CENPP: variants seen among roughly 807,000 people sequenced by gnomAD.
CENPP encodes the protein centromere protein P.
Under a neutral mutation model 35.6 loss-of-function variants are expected in CENPP, and 24 were observed. The observed-to-expected ratio is 0.67, with a 90% confidence interval of 0.49 to 0.95. The LOEUF (loss-of-function observed/expected upper bound fraction) is 0.95, where lower values mean the gene tolerates loss of function less well. Ranked by LOEUF, CENPP falls within the 40% of genes least tolerant of loss-of-function variation. The pLI, the probability that CENPP is intolerant of heterozygous loss-of-function variation, is 0.00. For missense variants in CENPP, 332 were observed against 345.3 expected (o/e 0.96, Z 0.31); for synonymous variants, 120 against 125.5 (o/e 0.96, Z 0.29).
rs879288312 is a variant in CENPP at position 92,444,441 on chromosome 9, C to CT, written c.564+64594dup. On this transcript the variant is annotated intron_variant, in intron 5 of 7. Transcript: ENST00000375587. ...TTGCAAAATTCTTCCATTCTATGAG[C>CT]TTTTTTTTTTTTACTTTCTTGATGA... 4.2e-4 allele frequency among the ~76,000 whole-genome samples: 61 copies of CT among 143,588 alleles called. 1 individual carries two copies. The highest frequency in any genetic ancestry group is 1.0e-3 in the East Asian group (5 of 4,972). 94.2% of individuals were successfully genotyped at this position (143,588 alleles called of 152,430 possible).
intron 5 of CENPP, among the ~76,000 whole-genome samples, chr9:92,390,454 CTGAGTA>C (rs1400216836): frequency 2.0e-5 from 3 of 151,984 alleles, no homozygotes; most frequent in Admixed American, 2.0e-4. Flanking sequence ...CGTTGTGATT[CTGAGTA>C]TGTTATCTTA....
At chr9:92,457,143 G>C (rs1311132133) in intron 5 of CENPP, 2 of 1,405,722 alleles carry the variant, frequency 1.4e-6, no homozygotes, top group African/African-American at 1.5e-5. Context: ...GAAATTTCTT[G>C]TCATAAAATA....
In CENPP at chr9:92,545,655, C is replaced by G. The variant is rs372950942; in HGVS notation, c.565-65659C>G. Among the ~76,000 whole-genome samples, 46 of 152,338 alleles carry G rather than the reference C, an allele frequency of 3.0e-4. No homozygotes were observed. In the East Asian group the frequency reaches 8.9e-3, roughly 29 times the overall value. ...GGGCACAGGGCGCGGGACTGGCAGCCAGCTCCACCTGCAGCCTGGTGCGGG... is the reference window on the plus strand; with the variant it reads ...GGGCACAGGGCGCGGGACTGGCAGCGAGCTCCACCTGCAGCCTGGTGCGGG... On this transcript the variant is annotated intron_variant, in intron 5 of 7. Coordinates refer to ENST00000375587, the MANE Select transcript of CENPP (RefSeq NM_001012267.3).
chr9:92,419,275 C>T (rs72752468), intron 5 of CENPP, among the ~76,000 whole-genome samples: 5,498 of 148,040 alleles, frequency 0.037, 137 homozygotes, highest in Middle Eastern at 0.06. Context: ...ACCTTGGCTG[C>T]TTATCTTGTA....
At chr9:92,529,871 C>T (rs997791509) in intron 5 of CENPP, among the ~76,000 whole-genome samples, 1 of 152,122 alleles carries the variant, frequency 6.6e-6, no homozygotes, top group Admixed American at 6.5e-5. Flanking sequence ...ATAGTCAGCC[C>T]TTTATATCAC....
At chr9:92,462,893 G>C (rs562481872) in intron 5 of CENPP, among the ~76,000 whole-genome samples, 1 of 152,160 alleles carries the variant, frequency 6.6e-6, no homozygotes, top group Non-Finnish European at 1.5e-5. Context: ...CTGGTGCAAC[G>C]TGCCAGCGAA....
At chr9:92,449,218 G>A (rs925173423) in intron 5 of CENPP, among the ~76,000 whole-genome samples, 1 of 151,844 alleles carries the variant, frequency 6.6e-6, no homozygotes, top group Non-Finnish European at 1.5e-5. Flanking sequence ...CAAGGCGGGC[G>A]GACACGAGGT....
intron 5 of CENPP, among the ~76,000 whole-genome samples, chr9:92,447,952 T>C (rs1168152039): frequency 6.6e-6 from 1 of 152,186 alleles, no homozygotes; most frequent in African/African-American, 2.4e-5. Flanking sequence ...TACTTTTGAA[T>C]GAGGTAAGTG....
At chr9:92,485,443 A>C (rs919759508) in intron 5 of CENPP, among the ~76,000 whole-genome samples, 2 of 152,378 alleles carry the variant, frequency 1.3e-5, no homozygotes, top group Non-Finnish European at 2.9e-5. Flanking sequence ...CTCAGTACTG[A>C]CAGTTTATGA....
chr9:92,445,064 C>A (rs190066139), intron 5 of CENPP, among the ~76,000 whole-genome samples: 2 of 152,260 alleles, frequency 1.3e-5, no homozygotes, highest in East Asian at 3.9e-4. Context: ...TGTTCATGCT[C>A]CACTGCAGAT....
intron 5 of CENPP, among the ~76,000 whole-genome samples, chr9:92,567,449 CA>C (rs1376339650): frequency 6.9e-6 from 1 of 145,196 alleles, no homozygotes; most frequent in Non-Finnish European, 1.5e-5. Flanking sequence ...TCCATCATCT[CA>C]AACATTTATC....
chr9:92,515,080 A>C (rs200225062), intron 5 of CENPP: 315 of 1,613,992 alleles, frequency 2.0e-4, no homozygotes, highest in Non-Finnish European at 1.7e-5. Flanking sequence ...TATTCGGTCC[A>C]TTCCCACCTG....
chr9:92,601,969 A>G (rs1243565281), intron 5 of CENPP, among the ~76,000 whole-genome samples: 1 of 152,244 alleles, frequency 6.6e-6, no homozygotes, highest in Non-Finnish European at 1.5e-5. Context: ...ATGAAGCTCC[A>G]GGAGCAACGA....
At chr9:92,574,835 A>G (rs1850239679) in intron 5 of CENPP, among the ~76,000 whole-genome samples, 1 of 152,232 alleles carries the variant, frequency 6.6e-6, no homozygotes, top group African/African-American at 2.4e-5. Flanking sequence ...AGCTACAATA[A>G]TCAAAACAAT....
chr9:92,442,893 T>A (rs547684079), intron 5 of CENPP, among the ~76,000 whole-genome samples: 1 of 151,546 alleles, frequency 6.6e-6, no homozygotes, highest in Non-Finnish European at 1.5e-5. Flanking sequence ...ACCATTATGA[T>A]GAAAATTTTT....
intron 5 of CENPP, among the ~76,000 whole-genome samples, chr9:92,475,381 C>T (rs1418049793): frequency 2.0e-5 from 3 of 152,076 alleles, no homozygotes; most frequent in Admixed American, 2.0e-4. Flanking sequence ...TGTATACTTA[C>T]AAACACTCAT....
intron 3 of CENPP, among the ~76,000 whole-genome samples, chr9:92,343,535 T>C (rs979760961): frequency 6.6e-6 from 1 of 152,226 alleles, no homozygotes; most frequent in African/African-American, 2.4e-5. Flanking sequence ...TTTTTTTAAA[T>C]GGAAGAGAAT....
intron 5 of CENPP, among the ~76,000 whole-genome samples, chr9:92,572,883 G>A (rs892657466): frequency 8.6e-5 from 13 of 151,750 alleles, no homozygotes; most frequent in South Asian, 4.2e-4. Context: ...TGATCAAATC[G>A]GCTACTGAGG....
chr9:92,327,518 A>G (rs1840596291), intron 1 of CENPP, among the ~76,000 whole-genome samples: 1 of 152,204 alleles, frequency 6.6e-6, no homozygotes, highest in Non-Finnish European at 1.5e-5. Flanking sequence ...AAAAATGCAT[A>G]TTACATGCAC....
Sources: gnomAD v4.1 joint callset for allele counts (sites outside exome capture counted in the v4.1 genomes callset) on GRCh38, gnomAD v4.1.1 for gene constraint, MANE v1.5 for transcripts, NCBI Gene and HGNC (gene_info 2026-07-23, HGNC 2026-07-21) for gene names.